NCAM1: variants seen among roughly 807,000 people sequenced by gnomAD.
NCAM1 encodes the protein antigen recognized by monoclonal antibody 5.1H11.
A neutral mutation model predicts 109.8 loss-of-function variants in NCAM1; 14 were observed. The ratio of observed to expected loss-of-function variants is 0.13; its 90% confidence interval spans 0.08 to 0.20. NCAM1 has a LOEUF of 0.20. Among genes scored for constraint, NCAM1 ranks in the 10% least tolerant of loss-of-function variants. The pLI is 1.00. For synonymous variants in NCAM1, 418 were observed against 442.9 expected, an observed-to-expected ratio of 0.94 and a Z score of 0.70; for missense variants, 774 against 1,109.9, an observed-to-expected ratio of 0.70 and a Z score of 4.30.
At chr11:113,213,612 C>T (rs975288573) in intron 7 of NCAM1, among the ~76,000 whole-genome samples, 2 of 152,170 alleles carry the variant, frequency 1.3e-5, no homozygotes, top group Non-Finnish European at 2.9e-5. Context: ...TTTGGTTCTT[C>T]TCACCCCTCC....
chr11:113,121,998 G>T (rs891782253), intron 1 of NCAM1, among the ~76,000 whole-genome samples: 1 of 152,302 alleles, frequency 6.6e-6, no homozygotes, highest in African/African-American at 2.4e-5. Context: ...ATAAGGCTCG[G>T]TGTGGATGGA....
intron 1 of NCAM1, among the ~76,000 whole-genome samples, chr11:113,199,984 C>T (rs895321328): frequency 1.3e-5 from 2 of 152,112 alleles, no homozygotes; most frequent in Admixed American, 1.3e-4. Flanking sequence ...TCAGCCTTGC[C>T]GTGTTCTCCT....
At chr11:113,097,840 C>A (rs782356847) in intron 1 of NCAM1, among the ~76,000 whole-genome samples, 7 of 151,996 alleles carry the variant, frequency 4.6e-5, no homozygotes, top group Non-Finnish European at 8.8e-5. Context: ...TTTGTACAAG[C>A]TTTTGTGTTA....
intron 17 of NCAM1, 29 bp downstream of exon 17, chr11:113,260,352 T>C (rs782560267): frequency 6.2e-7 from 1 of 1,603,752 alleles, no homozygotes; most frequent in Admixed American, 1.7e-5. Flanking sequence ...TCTGTTTGTT[T>C]CCGCTTTGAA....
rs531746139 is a variant in NCAM1, at chr11:113,229,631, C to T, written c.1090-2014C>T. 6.6e-5 allele frequency among the ~76,000 whole-genome samples: 10 copies of T among 152,322 alleles called. 1 individual carries two copies. Among genetic ancestry groups the T allele is most frequent in the African/African-American group, 2.4e-4 (10 of 41,566 alleles). On this transcript the variant is annotated intron_variant, in intron 9 of 19. Transcript: ENST00000316851. ...TCATTCTGCTATAAAGACACATGCA[C>T]ACGTATGTTTATTACAGCAGTGCTC...
intron 1 of NCAM1, among the ~76,000 whole-genome samples, chr11:112,980,736 T>C (rs565538121): frequency 1.3e-5 from 2 of 151,982 alleles, no homozygotes; most frequent in East Asian, 3.9e-4. Context: ...TTATACCCAA[T>C]ATGTAGTCTT....
rs1015910291 is a variant in NCAM1 at position 113,277,237 on chromosome 11, G to A, written c.*1850G>A. 57 of 398,070 alleles carry A rather than the reference G, an allele frequency of 1.4e-4. No individual in the cohort carries two copies. The highest frequency in any genetic ancestry group is 1.0e-3 in the African/African-American group (51 of 48,596). The allele number at this position is 398,070 out of a possible 1,614,324, so 24.7% of individuals were successfully genotyped here. A position where few individuals can be genotyped will look rare whatever the true frequency, so the allele number is the denominator to read the frequency against. On this transcript the variant is annotated 3_prime_UTR_variant, in exon 20 of 20. Transcript: ENST00000316851. ...CATTCTGTGGGCCACTCTCCCCAAC[G>A]TTCTGACACTTCTGCAGTCTGATCA...
chr11:113,275,497 TGCACACACAC>T lies in NCAM1; in HGVS notation c.*111_*120del. 7.7e-7 allele frequency: 1 copy of T among 1,292,426 alleles called. No homozygotes were observed. Among genetic ancestry groups the T allele is most frequent in the South Asian group, 1.4e-5 (1 of 69,516 alleles). The allele number at this position is 1,292,426 out of a possible 1,614,324, so 80.1% of individuals were successfully genotyped here. On this transcript the variant is annotated 3_prime_UTR_variant, in exon 20 of 20. Transcript: ENST00000316851. Reference sequence around the variant, plus strand: ...ACGCACGCACACACACAAACACACATGCACACACACACATCTCATTTCTCTAGTGTCTTTT... The same window carrying T: ...ACGCACGCACACACACAAACACACATACATCTCATTTCTCTAGTGTCTTTT...
intron 1 of NCAM1, among the ~76,000 whole-genome samples, chr11:113,076,365 C>T (rs1220971244): frequency 6.6e-6 from 1 of 152,220 alleles, no homozygotes; most frequent in African/African-American, 2.4e-5. Flanking sequence ...GTTGTGAAAA[C>T]TGCTTGCTCA....
chr11:113,104,342 G>A (rs1940048132), intron 1 of NCAM1, among the ~76,000 whole-genome samples: 1 of 151,710 alleles, frequency 6.6e-6, no homozygotes, highest in Non-Finnish European at 1.5e-5. Context: ...TAGACATATA[G>A]CATCTGAGGC....
chr11:113,010,505 T>G (rs1191141862), intron 1 of NCAM1, among the ~76,000 whole-genome samples: 6 of 152,162 alleles, frequency 3.9e-5, no homozygotes, highest in African/African-American at 1.4e-4. Context: ...TATTTATGAG[T>G]CATATTCTAT....
intron 1 of NCAM1, among the ~76,000 whole-genome samples, chr11:113,183,168 C>T (rs553074473): frequency 1.0e-3 from 152 of 152,224 alleles, no homozygotes; most frequent in African/African-American, 3.5e-3. Context: ...AACAAAACCC[C>T]TGGTTTTCTG....
At chr11:113,033,041 G>A (rs1479006070) in intron 1 of NCAM1, among the ~76,000 whole-genome samples, 7 of 152,148 alleles carry the variant, frequency 4.6e-5, no homozygotes, top group Admixed American at 3.3e-4. Flanking sequence ...TGAGGTAATT[G>A]CCAGATTGGC....
chr11:113,086,924 G>A (rs1246474477), intron 1 of NCAM1, among the ~76,000 whole-genome samples: 1 of 152,164 alleles, frequency 6.6e-6, no homozygotes, highest in Non-Finnish European at 1.5e-5. Context: ...CTTCTCTTCA[G>A]TTTTCATGAG....
chr11:112,973,383 T>C (rs1362833362), intron 1 of NCAM1, among the ~76,000 whole-genome samples: 3 of 152,150 alleles, frequency 2.0e-5, no homozygotes, highest in Non-Finnish European at 2.9e-5. Context: ...AGGCCTGTTA[T>C]CAAGGGCATA....
At chr11:113,120,651 TC>T (rs1485055646) in intron 1 of NCAM1, among the ~76,000 whole-genome samples, 1 of 152,142 alleles carries the variant, frequency 6.6e-6, no homozygotes, top group Non-Finnish European at 1.5e-5. Flanking sequence ...GGGGGTGATC[TC>T]CTTTCTCCTC....
At chr11:113,236,300 G>A (rs1011396020) in intron 14 of NCAM1, 2 of 1,613,608 alleles carry the variant, frequency 1.2e-6, no homozygotes, top group Non-Finnish European at 1.7e-6. Flanking sequence ...GGGAAATGCA[G>A]ATAGCCCTCC....
rs1944287847 is a variant in NCAM1 at position 113,208,018 on chromosome 11, G to A, written c.916+16G>A. The A allele has an allele frequency of 5.6e-6, 9 of 1,597,146 alleles. No individual in the cohort carries two copies. Among genetic ancestry groups the A allele is most frequent in the African/African-American group, 1.3e-5 (1 of 74,744 alleles). On this transcript the variant is annotated intron_variant, in intron 7 of 19. Coordinates refer to ENST00000316851, the MANE Select transcript of NCAM1 (RefSeq NM_181351.5). ...AAAGTCTTTGGTAGGGGCAGTGGGG[G>A]CCCAGGTCACTGCTCTGCCACAATT... is the stretch of plus-strand genomic sequence containing the variant.
rs568240129 is a variant in NCAM1, at chr11:113,098,300, T to G, written c.53-104079T>G. Among the ~76,000 whole-genome samples the G allele has an allele frequency of 1.6e-4, 24 of 152,294 alleles. No homozygotes were observed. In the South Asian group the frequency reaches 5.0e-3, roughly 32 times the overall value. ...TTATCAGGATACCAGAATACATGGATGCTCAAGTCCCTGATGTAAAATGGC... is the reference window on the plus strand; with the variant it reads ...TTATCAGGATACCAGAATACATGGAGGCTCAAGTCCCTGATGTAAAATGGC... On this transcript the variant is annotated intron_variant, in intron 1 of 19. Transcript: ENST00000316851.
Sources: gnomAD v4.1 joint callset for allele counts (sites outside exome capture counted in the v4.1 genomes callset) on GRCh38, gnomAD v4.1.1 for gene constraint, MANE v1.5 for transcripts, NCBI Gene and HGNC (gene_info 2026-07-23, HGNC 2026-07-21) for gene names.